CHN2: variants seen among roughly 807,000 people sequenced by gnomAD.
CHN2 encodes beta-chimaerin.
CHN2 carries 35 observed loss-of-function variants against 56.3 expected under a neutral mutation model. The ratio of observed to expected loss-of-function variants is 0.62; its 90% confidence interval spans 0.47 to 0.82. The LOEUF (loss-of-function observed/expected upper bound fraction) is 0.82, where lower values mean the gene tolerates loss of function less well. Among genes scored for constraint, CHN2 ranks in the 40% least tolerant of loss-of-function variants. CHN2 has a pLI of 0.00. For synonymous variants in CHN2, 210 were observed against 212.8 expected, an observed-to-expected ratio of 0.99 and a Z score of 0.12; for missense variants, 491 against 580.5, an observed-to-expected ratio of 0.85 and a Z score of 1.58.
chr7:29,221,671 C>G (rs1190080992), intron 1 of CHN2, among the ~76,000 whole-genome samples: 2 of 152,150 alleles, frequency 1.3e-5, no homozygotes, highest in Non-Finnish European at 2.9e-5. Context: ...GCAATGTGTT[C>G]TCATTGTTCA....
chr7:29,507,113 T>C (rs1340653728), intron 10 of CHN2, 115 bp from the exon 11 acceptor site: 8 of 932,978 alleles, frequency 8.6e-6, no homozygotes, highest in Non-Finnish European at 1.3e-5. Context: ...CCAAAAGAGT[T>C]AGCTGAGACT....
chr7:29,270,282 A>G (rs1385498624), intron 1 of CHN2, among the ~76,000 whole-genome samples: 1 of 152,152 alleles, frequency 6.6e-6, no homozygotes, highest in Non-Finnish European at 1.5e-5. Flanking sequence ...ATGCTCTTCT[A>G]GAAAAGCTCA....
chr7:29,317,397 G>C (rs936365514), intron 1 of CHN2, among the ~76,000 whole-genome samples: 7 of 152,306 alleles, frequency 4.6e-5, no homozygotes, highest in African/African-American at 1.7e-4. Flanking sequence ...CTTTGGGACC[G>C]AAGGATATTT....
At chr7:29,154,341 C>T (rs1794042231) in intron 2 of CHN2, among the ~76,000 whole-genome samples, 1 of 152,198 alleles carries the variant, frequency 6.6e-6, no homozygotes, top group Non-Finnish European at 1.5e-5. Flanking sequence ...CAGCCTCTAG[C>T]ATGTCTGTAT....
In CHN2 at chr7:29,194,898, C is replaced by T; in HGVS notation, c.-44C>T. ...CGGGCGAGGGCAGCGGCGGCGGCGT[C>T]CGCACCGGGGCTGAGCGAGCAGCGA... is the stretch of plus-strand genomic sequence containing the variant. On this transcript the variant is annotated 5_prime_UTR_variant, in exon 1 of 13. Coordinates refer to ENST00000222792, the MANE Select transcript of CHN2 (RefSeq NM_004067.4). The T allele has an allele frequency of 1.4e-6, 2 of 1,449,686 alleles. No homozygotes were observed. The highest frequency in any genetic ancestry group is 1.8e-6 in the Non-Finnish European group (2 of 1,105,530). The allele number at this position is 1,449,686 out of a possible 1,614,324, so 89.8% of individuals were successfully genotyped here.
chr7:29,403,991 G>A (rs1178144726), intron 6 of CHN2, among the ~76,000 whole-genome samples: 2 of 152,134 alleles, frequency 1.3e-5, no homozygotes, highest in African/African-American at 4.8e-5. Context: ...ACTTTGCCAG[G>A]TCCGTAGGGC....
intron 6 of CHN2, among the ~76,000 whole-genome samples, chr7:29,408,326 T>C (rs568395279): frequency 6.6e-6 from 1 of 152,330 alleles, no homozygotes; most frequent in East Asian, 1.9e-4. Context: ...GATTGTCAAG[T>C]GCAGGGCTTG....
At chr7:29,443,424 G>A (rs1249553717) in intron 6 of CHN2, among the ~76,000 whole-genome samples, 1 of 152,134 alleles carries the variant, frequency 6.6e-6, no homozygotes, top group Non-Finnish European at 1.5e-5. Flanking sequence ...GTTTGTGTCA[G>A]TACATCTGAT....
At chr7:29,381,806 A>T (rs57338331) in intron 3 of CHN2, among the ~76,000 whole-genome samples, 13,431 of 124,570 alleles carry the variant, frequency 0.11, 1,215 homozygotes, top group African/African-American at 0.23. Context: ...TCACTAAACT[A>T]AGCAAAAAAA....
chr7:29,443,992 T>G (rs540470390), intron 6 of CHN2, among the ~76,000 whole-genome samples: 1 of 152,352 alleles, frequency 6.6e-6, no homozygotes, highest in Admixed American at 6.5e-5. Flanking sequence ...CTCTAAGTTT[T>G]GCTTTATCTA....
At chr7:29,434,700 C>T (rs976385161) in intron 6 of CHN2, among the ~76,000 whole-genome samples, 3 of 152,138 alleles carry the variant, frequency 2.0e-5, no homozygotes, top group South Asian at 2.1e-4. Context: ...AGGCCATAGT[C>T]GCAGGTACTG....
chr7:29,209,742 A>C (rs897481616), intron 1 of CHN2, among the ~76,000 whole-genome samples: 5 of 152,204 alleles, frequency 3.3e-5, no homozygotes, highest in African/African-American at 7.2e-5. Flanking sequence ...CATTTATGAG[A>C]AATAGTGATC....
intron 7 of CHN2, among the ~76,000 whole-genome samples, chr7:29,487,690 CTT>C (rs1788184193): frequency 6.6e-6 from 1 of 151,972 alleles, no homozygotes; most frequent in Non-Finnish European, 1.5e-5. Flanking sequence ...CTCCCTCCCT[CTT>C]TCTCTCCCCC....
chr7:29,150,895 G>A (rs1793501500), intron 2 of CHN2, among the ~76,000 whole-genome samples: 1 of 152,176 alleles, frequency 6.6e-6, no homozygotes, highest in South Asian at 2.1e-4. Context: ...CTTTTCTTAA[G>A]GAACGAAGCC....
intron 6 of CHN2, among the ~76,000 whole-genome samples, chr7:29,416,030 C>T (rs574313851): frequency 1.4e-4 from 21 of 152,152 alleles, no homozygotes; most frequent in East Asian, 1.9e-4. Context: ...CATTATTCCA[C>T]GGGGTTGGAT....
At chr7:29,332,086 C>G (rs1796266121) in intron 1 of CHN2, among the ~76,000 whole-genome samples, 1 of 151,478 alleles carries the variant, frequency 6.6e-6, no homozygotes, top group Non-Finnish European at 1.5e-5. Context: ...AGAAAAAAGG[C>G]CAATATTCTA....
chr7:29,504,867 T>C, intron 10 of CHN2, 46 bp downstream of exon 10: 1 of 1,331,756 alleles, frequency 7.5e-7, no homozygotes, highest in Non-Finnish European at 1.1e-6. Flanking sequence ...CTAACACCCT[T>C]CTCGATTGGA....
At chr7:29,366,752 T>C (rs1343139894) in intron 2 of CHN2, among the ~76,000 whole-genome samples, 1 of 152,164 alleles carries the variant, frequency 6.6e-6, no homozygotes, top group Non-Finnish European at 1.5e-5. Flanking sequence ...TTTCAAAATG[T>C]ATAAAGGGTT....
rs146234024 is a variant in CHN2 at position 29,285,333 on chromosome 7, C to G, written c.50-69292C>G. Among the ~76,000 whole-genome samples, 12 of 152,342 alleles carry G rather than the reference C, an allele frequency of 7.9e-5. 1 individual carries two copies. Among genetic ancestry groups the G allele is most frequent in the Middle Eastern group, 3.4e-3 (1 of 294 alleles). ...CATCACTCATTAAAGACAGTTCTCA[C>G]GTTTCATGGAAGCCTTCTATTTTCC... On this transcript the variant is annotated intron_variant, in intron 1 of 12. Coordinates refer to ENST00000222792, the MANE Select transcript of CHN2 (RefSeq NM_004067.4).
Sources: gnomAD v4.1 joint callset for allele counts (sites outside exome capture counted in the v4.1 genomes callset) on GRCh38, gnomAD v4.1.1 for gene constraint, MANE v1.5 for transcripts, NCBI Gene and HGNC (gene_info 2026-07-23, HGNC 2026-07-21) for gene names.